Variants in RBM38 observed in about 807,000 individuals in gnomAD.
The protein encoded by RBM38 is RNA binding motif protein 38.
In RBM38, 11 loss-of-function variants were observed where a neutral mutation model predicts 23.5. The ratio of observed to expected loss-of-function variants is 0.47; its 90% CI spans 0.29 to 0.77. The LOEUF is 0.77. Among genes scored for constraint, RBM38 ranks in the 30% least tolerant of loss-of-function variants. The pLI is 0.08. For synonymous variants in RBM38, 165 were observed against 166.1 expected (o/e 0.99, Z 0.05); for missense variants, 330 against 351.9 (o/e 0.94, Z 0.50).
rs1448829307 is a variant in RBM38, at chr20:57,408,406, C to G, written c.*560C>G. 3 of 154,708 alleles carry G rather than the reference C, an allele frequency of 1.9e-5. No individual in the cohort carries two copies. Among genetic ancestry groups the G allele is most frequent in the Admixed American group, 6.3e-5 (1 of 15,950 alleles). 9.6% of individuals were successfully genotyped at this position (154,708 alleles called of 1,614,324 possible). A position where few individuals can be genotyped will look rare whatever the true frequency, so the allele number is the denominator to read the frequency against. On this transcript the variant is annotated 3_prime_UTR_variant, in exon 4 of 4. Transcript: ENST00000356208. ...GGCACGTGGGCGGCTTCCTCAAGCCCGGAGGAGCTCCCAGGCGCACAGGGG... is the reference window on the plus strand; with the variant it reads ...GGCACGTGGGCGGCTTCCTCAAGCCGGGAGGAGCTCCCAGGCGCACAGGGG...
chr20:57,400,187 A>G (rs557698325), intron 3 of RBM38, among the ~76,000 whole-genome samples: 1 of 152,176 alleles, frequency 6.6e-6, no homozygotes, highest in Non-Finnish European at 1.5e-5. Flanking sequence ...TGCGACTTGG[A>G]CAGGCATGGC....
At chr20:57,393,135 G>A (rs766383512) in intron 2 of RBM38, 144 bp from the exon 3 acceptor site, 16 of 830,988 alleles carry the variant, frequency 1.9e-5, no homozygotes, top group South Asian at 1.0e-4. Flanking sequence ...GGGTTCACAA[G>A]GGGGAGGCCT....
At chr20:57,404,818 G>A (rs2067364938) in intron 3 of RBM38, among the ~76,000 whole-genome samples, 2 of 152,254 alleles carry the variant, frequency 1.3e-5, no homozygotes, top group Non-Finnish European at 2.9e-5. Context: ...CCAGGTTAAG[G>A]GCTCCAGGCA....
Position 57,407,470 on chromosome 20 carries a change from T to C in RBM38, c.417-73T>C. 6.6e-7 allele frequency: 1 copy of C among 1,505,484 alleles called. No homozygotes were observed. The highest frequency in any genetic ancestry group is 1.9e-5 in the Admixed American group (1 of 53,640). The allele number at this position is 1,505,484 out of a possible 1,614,324, so 93.3% of individuals were successfully genotyped here. ...TCGGGGTGGGGGGCGGCACGCATCG[T>C]GTACCCCACTGTTCTCCCAGCTGTA... On this transcript the variant is annotated intron_variant, in intron 3 of 3. Transcript: ENST00000356208. This position sits in a 1 kb window ranked among gnomAD's most constrained non-coding sequence, Gnocchi z 4.0.
Position 57,407,484 on chromosome 20 carries a change from C to T in RBM38, c.417-59C>T. 6.4e-7 allele frequency: 1 copy of T among 1,559,660 alleles called. No homozygotes were observed. Among genetic ancestry groups the T allele is most frequent in the Non-Finnish European group, 8.8e-7 (1 of 1,142,754 alleles). The stretch of plus-strand genomic sequence containing the variant: ...GGCACGCATCGTGTACCCCACTGTT[C>T]TCCCAGCTGTATTCCCCAACTCCGT... On this transcript the variant is annotated intron_variant, in intron 3 of 3. Transcript: ENST00000356208. The surrounding 1 kb of genome is among the most constrained non-coding windows in gnomAD (Gnocchi z 4.0).
In RBM38 at chr20:57,405,726, C is replaced by G. The variant is rs191738528; in HGVS notation, c.417-1817C>G. Among the ~76,000 whole-genome samples the G allele has an allele frequency of 2.0e-5, 3 of 152,150 alleles. No individual in the cohort carries two copies. The East Asian group carries it at 5.8e-4, about 29-fold the overall frequency. ...GCCTTTGTGCTGGAAGCCAGGGCTC[C>G]TCTCTGACCCTGAGGGTCCCTGGCT... On this transcript the variant is annotated intron_variant, in intron 3 of 3. Coordinates refer to ENST00000356208, the MANE Select transcript of RBM38 (RefSeq NM_017495.6).
chr20:57,405,696 C>T (rs2067376656), intron 3 of RBM38, among the ~76,000 whole-genome samples: 2 of 152,316 alleles, frequency 1.3e-5, no homozygotes, highest in East Asian at 1.9e-4. Context: ...CCACTGAGTG[C>T]ACCTGCCTTT....
intron 3 of RBM38, among the ~76,000 whole-genome samples, chr20:57,394,244 A>G (rs1475006217): frequency 6.6e-6 from 1 of 151,836 alleles, no homozygotes; most frequent in African/African-American, 2.4e-5. Context: ...CCATTGAGAG[A>G]GACACAGCTT....
intron 3 of RBM38, among the ~76,000 whole-genome samples, chr20:57,395,555 C>G (rs942437473): frequency 6.6e-6 from 1 of 152,194 alleles, no homozygotes; most frequent in Non-Finnish European, 1.5e-5. Context: ...GGTGGAGACC[C>G]AAACAGGGAC....
chr20:57,399,622 G>C (rs1025725236), intron 3 of RBM38, among the ~76,000 whole-genome samples: 1 of 152,220 alleles, frequency 6.6e-6, no homozygotes, highest in African/African-American at 2.4e-5. Context: ...TGGAGATGCT[G>C]TTCCGGGCCT....
Position 57,392,716 on chromosome 20 carries a change from C to T in RBM38, c.300C>T (p.Asp100=). Residue 100 remains aspartate, a synonymous_variant, in exon 2 of 4, where the codon GAC becomes GAT. Coordinates refer to ENST00000356208, the MANE Select transcript of RBM38 (RefSeq NM_017495.6). The part of the protein sequence containing the change: ...RACKDPNPII[D]GRKANVNLAY... Reference sequence around the variant, plus strand: ...GCAAAGACCCGAACCCCATCATCGACGGCCGCAAGGCCAACGTGAACCTGG... The same window carrying T: ...GCAAAGACCCGAACCCCATCATCGATGGCCGCAAGGCCAACGTGAACCTGG... 1 of 1,612,944 alleles carries T rather than the reference C, an allele frequency of 6.2e-7. No homozygotes were observed. Among genetic ancestry groups the T allele is most frequent in the South Asian group, 1.1e-5 (1 of 91,082 alleles).
chr20:57,402,133 G>C (rs1600754629), intron 3 of RBM38, among the ~76,000 whole-genome samples: 1 of 152,254 alleles, frequency 6.6e-6, no homozygotes, highest in Non-Finnish European at 1.5e-5. Context: ...TTTTAGTAGA[G>C]ATGGGGTTTC....
Position 57,408,137 on chromosome 20 carries a change from TCTC to T in RBM38, c.*294_*296del, listed in dbSNP as rs1426947542. The stretch of plus-strand genomic sequence containing the variant: ...ACCATGGCAGCCTCTCCTTGCACCT[TCTC>T]CTGCCTCTCCACACTCCAGGTTCCC... On this transcript the variant is annotated 3_prime_UTR_variant, in exon 4 of 4. Transcript: ENST00000356208. 3 of 483,528 alleles carry T rather than the reference TCTC, an allele frequency of 6.2e-6. No homozygotes were observed. Among genetic ancestry groups the T allele is most frequent in the African/African-American group, 3.9e-5 (2 of 51,228 alleles). The allele number at this position is 483,528 out of a possible 1,614,324, so 30.0% of individuals were successfully genotyped here. A position where few individuals can be genotyped will look rare whatever the true frequency, so the allele number is the denominator to read the frequency against.
chr20:57,396,943 C>G (rs146120888), intron 3 of RBM38, among the ~76,000 whole-genome samples: 1 of 152,360 alleles, frequency 6.6e-6, no homozygotes, highest in Non-Finnish European at 1.5e-5. Flanking sequence ...CCACAACAGG[C>G]TTCCACTTAA....
At chr20:57,399,927 GA>G (rs1387609305) in intron 3 of RBM38, 1 of 456,228 alleles carries the variant, frequency 2.2e-6, no homozygotes, top group Non-Finnish European at 4.4e-6. Flanking sequence ...TTTATTTTCA[GA>G]GGCGACTTTA....
Position 57,391,704 on chromosome 20 carries a change from G to A in RBM38, c.123G>A (p.Leu41=). The change falls in exon 1 of 4, where the codon CTG becomes CTA. Residue 41 remains leucine (L), a synonymous_variant. Coordinates refer to ENST00000356208, the MANE Select transcript of RBM38 (RefSeq NM_017495.6). ...TCACCAAGATCTTCGTGGGCGGCCT[G>A]CCGTACCACACTACCGACGCCTCGC... ...TTFTKIFVGG[L]PYHTTDASLR... 2 of 1,525,758 alleles carry A rather than the reference G, an allele frequency of 1.3e-6. No homozygotes were observed. The highest frequency in any genetic ancestry group is 8.8e-7 in the Non-Finnish European group (1 of 1,134,676). 94.5% of individuals were successfully genotyped at this position (1,525,758 alleles called of 1,614,324 possible). A position where few individuals can be genotyped will look rare whatever the true frequency, so the allele number is the denominator to read the frequency against.
At chr20:57,398,614 G>A (rs1399231537) in intron 3 of RBM38, among the ~76,000 whole-genome samples, 1 of 152,274 alleles carries the variant, frequency 6.6e-6, no homozygotes, top group Non-Finnish European at 1.5e-5. Context: ...CTGCACCGTG[G>A]CCCTCCTGGG....
At chr20:57,403,380 G>A (rs2067348974) in intron 3 of RBM38, among the ~76,000 whole-genome samples, 1 of 152,198 alleles carries the variant, frequency 6.6e-6, no homozygotes, top group African/African-American at 2.4e-5. Context: ...GGGGCTTCGT[G>A]GCTGCTTCTA....
At position 57,407,481 on chromosome 20, in the gene RBM38, G is replaced by C; in HGVS notation, c.417-62G>C. ...GGCGGCACGCATCGTGTACCCCACT[G>C]TTCTCCCAGCTGTATTCCCCAACTC... On this transcript the variant is annotated intron_variant, in intron 3 of 3. Transcript: ENST00000356208. The surrounding 1 kb of genome is among the most constrained non-coding windows in gnomAD (Gnocchi z 4.0). 1.3e-6 allele frequency: 2 copies of C among 1,553,558 alleles called. No individual in the cohort carries two copies. The highest frequency in any genetic ancestry group is 1.8e-6 in the Non-Finnish European group (2 of 1,138,942).
Sources: allele counts gnomAD v4.1 joint callset (sites outside exome capture counted in the v4.1 genomes callset), GRCh38; gene constraint gnomAD v4.1.1; non-coding constraint Gnocchi (gnomAD v3.1); transcripts MANE v1.5; gene names NCBI Gene and HGNC (gene_info 2026-07-23, HGNC 2026-07-21).